Variants in SYNE2 observed in about 807,000 individuals in gnomAD.
The protein encoded by SYNE2 is spectrin repeat containing nuclear envelope protein 2.
In SYNE2, 431 loss-of-function variants were observed where a neutral mutation model predicts 856.3. The ratio of observed to expected loss-of-function variants is 0.50; its 90% CI spans 0.47 to 0.55. The LOEUF (loss-of-function observed/expected upper bound fraction) is 0.55. Among genes scored for constraint, SYNE2 ranks in the 20% least tolerant of loss-of-function variants. The pLI, the probability that SYNE2 is intolerant of heterozygous loss-of-function variation, is 0.00. For synonymous variants in SYNE2, 2,923 were observed against 2,872.3 expected (o/e 1.02, Z -0.56); for missense variants, 8,129 against 8,023.2 (o/e 1.01, Z -0.50).
chr14:64,020,515 A>G (rs553767941), intron 35 of SYNE2, among the ~76,000 whole-genome samples: 1 of 152,286 alleles, frequency 6.6e-6, no homozygotes, highest in South Asian at 2.1e-4. Context: ...ATAGTTAAAT[A>G]TATTTATTCC....
chr14:63,979,245 T>G (rs2096567575), intron 14 of SYNE2, among the ~76,000 whole-genome samples: 1 of 152,196 alleles, frequency 6.6e-6, no homozygotes, highest in African/African-American at 2.4e-5. Flanking sequence ...AAGGGGAGAT[T>G]AAGAGTTAAC....
chr14:64,011,537 A>G (rs2153518810), intron 32 of SYNE2, among the ~76,000 whole-genome samples: 1 of 152,140 alleles, frequency 6.6e-6, no homozygotes, highest in African/African-American at 2.4e-5. Flanking sequence ...GCAGTCTCCT[A>G]CCTTGTACTC....
intron 1 of SYNE2, among the ~76,000 whole-genome samples, chr14:63,887,087 C>T (rs959944582): frequency 1.9e-4 from 29 of 152,106 alleles, no homozygotes; most frequent in Admixed American, 1.7e-3. Flanking sequence ...TCAAGACCGT[C>T]CTGGTCAACG....
At position 64,085,294 on chromosome 14, in the gene SYNE2, T is replaced by A. The variant is rs1265565660; in HGVS notation, c.11485-2377T>A. The stretch of plus-strand genomic sequence containing the variant: ...TTGTTGCCCAGGCTGGGCCACAGTC[T>A]TTGTAATCTAACCTTGGAAGTGACA... On this transcript the variant is annotated intron_variant, in intron 57 of 115. Coordinates refer to ENST00000555002, the MANE Select transcript of SYNE2 (RefSeq NM_182914.3). 3.9e-5 allele frequency among the ~76,000 whole-genome samples: 6 copies of A among 152,308 alleles called. No individual in the cohort carries two copies. The East Asian group carries it at 1.2e-3, about 29-fold the overall frequency.
At chr14:64,041,535 G>A (rs2357344) in intron 45 of SYNE2, among the ~76,000 whole-genome samples, 115,233 of 152,072 alleles carry the variant, frequency 0.76, 45,727 homozygotes, top group Non-Finnish European at 0.88. Flanking sequence ...GGCAGGACTC[G>A]TATGTCCAAT....
intron 2 of SYNE2, among the ~76,000 whole-genome samples, chr14:63,916,254 G>A (rs1390226019): frequency 6.6e-6 from 1 of 152,124 alleles, no homozygotes; most frequent in East Asian, 1.9e-4. Context: ...TCATTTTTAT[G>A]GAGGTGAAGA....
chr14:63,804,685 C>T (rs1213767678), intron 1 of SYNE2, among the ~76,000 whole-genome samples: 1 of 151,962 alleles, frequency 6.6e-6, no homozygotes, highest in African/African-American at 2.4e-5. Context: ...TAGAGATGGG[C>T]GTTTCTCCAT....
chr14:64,162,377 G>A, intron 88 of SYNE2, 101 bp downstream of exon 88: 1 of 1,251,140 alleles, frequency 8.0e-7, no homozygotes. Flanking sequence ...CAGGGACAGA[G>A]TAGTCAGGAC....
chr14:63,928,701 A>C (rs1412009730), intron 2 of SYNE2, among the ~76,000 whole-genome samples: 3 of 152,146 alleles, frequency 2.0e-5, no homozygotes, highest in African/African-American at 7.2e-5. Context: ...TCTCCAAGAG[A>C]AACAATAGAA....
At chr14:64,180,453 A>G (rs150101691) in intron 96 of SYNE2, among the ~76,000 whole-genome samples, 6 of 151,632 alleles carry the variant, frequency 4.0e-5, no homozygotes. Flanking sequence ...TGACTGTGGT[A>G]TATATTTCCC....
At chr14:64,129,208 G>A (rs377342778) in intron 74 of SYNE2, among the ~76,000 whole-genome samples, 29 of 152,224 alleles carry the variant, frequency 1.9e-4, no homozygotes, top group Non-Finnish European at 2.9e-4. Flanking sequence ...TCCGGAGGCT[G>A]AGGTGTGATA....
rs1318002796 is a variant in SYNE2 at position 64,202,861 on chromosome 14, C to G, written c.18099C>G (p.Asn6033Lys). 1.2e-6 allele frequency: 2 copies of G among 1,613,956 alleles called. No homozygotes were observed. The highest frequency in any genetic ancestry group is 3.3e-5 in the Admixed American group (2 of 59,992). Residue 6033 changes from asparagine to lysine, a missense_variant, in exon 100 of 116, where the codon AAC (asparagine) becomes AAG (lysine). Physicochemically the swap from Asn to Lys is moderately conservative, Grantham distance 94. Coordinates refer to ENST00000555002, the MANE Select transcript of SYNE2 (RefSeq NM_182914.3). ...AGCAGTTGGACAAAAACATGAGCAA[C>G]CTTCGCACCTGGTTGGCTCGAATTG... The part of the protein sequence containing the change: ...FIQQLDKNMS[N>K]LRTWLARIES...
intron 21 of SYNE2, among the ~76,000 whole-genome samples, chr14:63,993,420 A>G (rs923789390): frequency 9.9e-5 from 15 of 152,066 alleles, no homozygotes; most frequent in Admixed American, 6.6e-5. Context: ...ACTGTGATAT[A>G]CTCTTCATAT....
rs984650533 is a variant in SYNE2, at chr14:64,174,793, T to G, written c.17236-151T>G. 3 of 651,348 alleles carry G rather than the reference T, an allele frequency of 4.6e-6. No homozygotes were observed. In the African/African-American group the frequency reaches 5.5e-5, roughly 12 times the overall value. 40.3% of individuals were successfully genotyped at this position (651,348 alleles called of 1,614,324 possible). A position where few individuals can be genotyped will look rare whatever the true frequency, so the allele number is the denominator to read the frequency against. On this transcript the variant is annotated intron_variant, in intron 94 of 115. Coordinates refer to ENST00000555002, the MANE Select transcript of SYNE2 (RefSeq NM_182914.3). ...CAGTGTAAAACATTAGCTTTTGATG[T>G]GTGTGTGTATGTACATTCTGACCCA...
chr14:63,811,949 G>C (rs558552489), intron 1 of SYNE2, among the ~76,000 whole-genome samples: 7 of 152,176 alleles, frequency 4.6e-5, no homozygotes, highest in African/African-American at 1.4e-4. Context: ...CAAGGCAAAG[G>C]GTGAAATAAA....
intron 94 of SYNE2, among the ~76,000 whole-genome samples, chr14:64,173,107 C>T (rs1053269218): frequency 4.6e-5 from 7 of 152,078 alleles, no homozygotes; most frequent in African/African-American, 1.7e-4. Flanking sequence ...GGGTCTTAGG[C>T]AGATAAAGGA....
intron 66 of SYNE2, 24 bp downstream of exon 66, chr14:64,113,595 A>C: frequency 1.3e-6 from 2 of 1,579,054 alleles, no homozygotes; most frequent in Non-Finnish European, 1.7e-6. Context: ...GTCAGAGTTC[A>C]TGGTTTGCCT....
At chr14:64,084,998 A>T in intron 57 of SYNE2, 1 of 702,334 alleles carries the variant, frequency 1.4e-6, no homozygotes, top group Non-Finnish European at 2.6e-6. Context: ...TCTGCCTCAC[A>T]CCATGGCAGC....
intron 1 of SYNE2, among the ~76,000 whole-genome samples, chr14:63,821,247 A>G (rs1428243495): frequency 7.2e-5 from 11 of 152,172 alleles, no homozygotes; most frequent in Admixed American, 7.2e-4. Flanking sequence ...TAATTTTTAT[A>G]CTGATTACAG....
Sources: allele counts gnomAD v4.1 joint callset (sites outside exome capture counted in the v4.1 genomes callset), GRCh38; gene constraint gnomAD v4.1.1; transcripts MANE v1.5; gene names NCBI Gene and HGNC (gene_info 2026-07-23, HGNC 2026-07-21).